Variants in PDE1A observed in about 807,000 individuals in gnomAD.
PDE1A encodes the protein dual specificity calcium/calmodulin-dependent 3',5'-cyclic nucleotide phosphodiesterase 1A.
In PDE1A, 35 loss-of-function variants were observed where a neutral mutation model predicts 61.7. That is an observed-to-expected ratio of 0.57 (90% confidence interval 0.43 to 0.75). PDE1A has a LOEUF of 0.75. Among genes scored for constraint, PDE1A ranks in the 30% least tolerant of loss-of-function variants. The pLI is 0.00. For synonymous variants in PDE1A, 232 were observed against 213.2 expected, an observed-to-expected ratio of 1.09 and a Z score of -0.77; for missense variants, 597 against 630.6, an observed-to-expected ratio of 0.95 and a Z score of 0.57.
intron 2 of PDE1A, among the ~76,000 whole-genome samples, chr2:182,436,638 A>G (rs1399866935): frequency 1.3e-5 from 2 of 151,984 alleles, no homozygotes; most frequent in Non-Finnish European, 2.9e-5. Flanking sequence ...GAGGGAGGAA[A>G]GTTGGCATGT....
At chr2:182,623,243 A>G in the PDE1A span, among the ~76,000 whole-genome samples, 2 of 152,316 alleles carry the variant, frequency 1.3e-5, no homozygotes, top group East Asian at 1.9e-4. Flanking sequence ...TGACAGCACA[A>G]TTACCATCCT....
At chr2:182,384,458 A>AATAATAATAATAAT (rs1700911068) in intron 1 of PDE1A, among the ~76,000 whole-genome samples, 1 of 141,920 alleles carries the variant, frequency 7.0e-6, no homozygotes, top group African/African-American at 2.7e-5. Context: ...AATAAAGAGA[A>AATAATAATAATAAT]AATAATAATA....
intron 1 of PDE1A, among the ~76,000 whole-genome samples, chr2:182,340,830 C>T (rs1175206368): frequency 1.3e-5 from 2 of 152,076 alleles, no homozygotes; most frequent in Non-Finnish European, 2.9e-5. Flanking sequence ...AGTCATGATG[C>T]CTGGTTATGC....
chr2:182,426,252 C>T (rs560767989), intron 1 of PDE1A, among the ~76,000 whole-genome samples: 3 of 152,330 alleles, frequency 2.0e-5, no homozygotes, highest in African/African-American at 4.8e-5. Context: ...CTAAGCACAA[C>T]GTTTCCTATT....
intron 10 of PDE1A, among the ~76,000 whole-genome samples, chr2:182,190,989 A>T (rs1157200095): frequency 6.6e-6 from 1 of 152,114 alleles, no homozygotes; most frequent in South Asian, 2.1e-4. Context: ...CATAATTTAG[A>T]ATAGCAACAA....
rs1328862090 is a variant in PDE1A at position 182,511,456 on chromosome 2, C to T, written c.101+10820G>A. ...AGTGGCCCACTCTCACCACAGACCT[C>T]CAGAATCCTAGCTGCAGGAGACCCC... On this transcript the variant is annotated intron_variant, in intron 2 of 14. Coordinates refer to the PDE1A transcript ENST00000410103. Among the ~76,000 whole-genome samples the T allele has an allele frequency of 5.9e-5, 9 of 152,262 alleles. No homozygotes were observed. In the East Asian group the frequency reaches 9.7e-4, roughly 16 times the overall value.
chr2:182,231,851 G>A (rs1298605357), intron 4 of PDE1A, among the ~76,000 whole-genome samples: 2 of 152,098 alleles, frequency 1.3e-5, no homozygotes, highest in African/African-American at 4.8e-5. Flanking sequence ...GGAGGCAGAG[G>A]TTGCAGTGAG....
downstream of PDE1A, among the ~76,000 whole-genome samples, chr2:182,146,324 A>G (rs560936870): frequency 1.2e-4 from 19 of 152,326 alleles, no homozygotes; most frequent in African/African-American, 4.3e-4. Flanking sequence ...AAGGAACATG[A>G]TATTTGCTTT....
chr2:182,603,270 A>C, the PDE1A span, among the ~76,000 whole-genome samples: 1 of 152,238 alleles, frequency 6.6e-6, no homozygotes, highest in Admixed American at 6.5e-5. Flanking sequence ...ACTCCCTAAA[A>C]ATGGTATAAC....
the PDE1A span, among the ~76,000 whole-genome samples, chr2:182,671,416 C>A: frequency 2.8e-5 from 4 of 141,300 alleles, no homozygotes; most frequent in Admixed American, 3.0e-4. Context: ...TCTCAATTTC[C>A]TGACCTCGTG....
chr2:182,497,653 C>G (rs561816350), intron 2 of PDE1A, among the ~76,000 whole-genome samples: 1 of 152,228 alleles, frequency 6.6e-6, no homozygotes, highest in East Asian at 1.9e-4. Flanking sequence ...ACATACTAGA[C>G]AGGATATTAG....
At chr2:182,406,503 A>C (rs1702305770) in intron 1 of PDE1A, among the ~76,000 whole-genome samples, 1 of 152,188 alleles carries the variant, frequency 6.6e-6, no homozygotes, top group Non-Finnish European at 1.5e-5. Context: ...TGCTGTGCTC[A>C]GAACTCTGGT....
intron 7 of PDE1A, among the ~76,000 whole-genome samples, chr2:182,214,032 C>T (rs1464779617): frequency 7.0e-6 from 1 of 142,630 alleles, no homozygotes; most frequent in Non-Finnish European, 1.5e-5. Flanking sequence ...GGTCGGGTTA[C>T]CCTCAAAGGG....
At chr2:182,593,344 A>G in the PDE1A span, among the ~76,000 whole-genome samples, 1 of 152,256 alleles carries the variant, frequency 6.6e-6, no homozygotes, top group Non-Finnish European at 1.5e-5. Context: ...TCCTTTCATT[A>G]CTAAAGAATC....
At chr2:182,478,052 G>A (rs1687482734) in intron 2 of PDE1A, among the ~76,000 whole-genome samples, 1 of 151,854 alleles carries the variant, frequency 6.6e-6, no homozygotes, top group African/African-American at 2.4e-5. Context: ...AGTAACTGCA[G>A]GCAGAGATGA....
the PDE1A span, among the ~76,000 whole-genome samples, chr2:182,538,302 G>C: frequency 5.9e-5 from 9 of 152,234 alleles, no homozygotes; most frequent in East Asian, 1.4e-3. Context: ...AAGAGAGACT[G>C]TGCCTCTCTT....
At chr2:182,326,044 C>G (rs1482880506) in intron 1 of PDE1A, among the ~76,000 whole-genome samples, 1 of 152,180 alleles carries the variant, frequency 6.6e-6, no homozygotes, top group Non-Finnish European at 1.5e-5. Flanking sequence ...CTTAGCATCA[C>G]TAATCACTAG....
chr2:182,169,922 G>GCACACACA (rs1052290375), intron 13 of PDE1A, among the ~76,000 whole-genome samples: 24,947 of 87,408 alleles, frequency 0.29, 2,403 homozygotes, highest in Admixed American at 0.4. Flanking sequence ...ACACACACAC[G>GCACACACA]CACACACACA....
At chr2:182,522,486 C>A in intron 1 of PDE1A, 1 of 1,544,190 alleles carries the variant, frequency 6.5e-7, no homozygotes. Context: ...TCTTATCTAT[C>A]AAAACAGTGC....
Sources: allele counts gnomAD v4.1 joint callset (sites outside exome capture counted in the v4.1 genomes callset), GRCh38; gene constraint gnomAD v4.1.1; transcripts MANE v1.5; gene names NCBI Gene and HGNC (gene_info 2026-07-23, HGNC 2026-07-21).